CTNND2: variants seen among roughly 807,000 people sequenced by gnomAD.
The protein encoded by CTNND2 is catenin delta 2.
Under a neutral mutation model 144.4 loss-of-function variants are expected in CTNND2, and 22 were observed. The ratio of observed to expected loss-of-function variants is 0.15; its 90% CI spans 0.11 to 0.22. The LOEUF is 0.22. Among genes scored for constraint, CTNND2 ranks in the 10% least tolerant of loss-of-function variants. CTNND2 has a pLI of 1.00. For synonymous variants in CTNND2, 751 were observed against 695.6 expected, an observed-to-expected ratio of 1.08 and a Z score of -1.25; for missense variants, 1,353 against 1,618.8, an observed-to-expected ratio of 0.84 and a Z score of 2.82.
intron 2 of CTNND2, among the ~76,000 whole-genome samples, chr5:11,594,126 C>G (rs976343642): frequency 6.6e-6 from 1 of 152,190 alleles, no homozygotes; most frequent in Non-Finnish European, 1.5e-5. Context: ...ATAATGCTGT[C>G]AGTCCCAACT....
chr5:11,346,483 A>T lies in CTNND2; in HGVS notation c.1517T>A (p.Leu506Gln), dbSNP rs1208655096. The T allele has an allele frequency of 1.9e-6, 3 of 1,603,786 alleles. No individual in the cohort carries two copies. Among genetic ancestry groups the T allele is most frequent in the Non-Finnish European group, 2.6e-6 (3 of 1,175,312 alleles). The change falls in exon 9 of 22, where the codon CTG becomes CAG. Residue 506 changes from leucine to glutamine, a missense_variant. Physicochemically the swap from Leu to Gln is moderately radical, Grantham distance 113. Coordinates refer to ENST00000304623, the MANE Select transcript of CTNND2 (RefSeq NM_001332.4). ...AGACTCAACAGAGGGACAATACTGC[A>T]GCTGTCGGTAGGGGTCCGCGTAATT... Reference protein sequence around the residue: ...ASNYADPYRQLQYCPSVESPY... With the variant: ...ASNYADPYRQQQYCPSVESPY...
At chr5:11,860,473 C>T (rs970150031) in intron 1 of CTNND2, among the ~76,000 whole-genome samples, 1 of 152,138 alleles carries the variant, frequency 6.6e-6, no homozygotes, top group Non-Finnish European at 1.5e-5. Context: ...GTAAATTTCA[C>T]CGTTTTAGTA....
intron 1 of CTNND2, among the ~76,000 whole-genome samples, chr5:11,901,664 T>C (rs1737897888): frequency 6.6e-6 from 1 of 152,236 alleles, no homozygotes; most frequent in Non-Finnish European, 1.5e-5. Context: ...ATGACAATTT[T>C]ATTAGGGCAA....
rs12514273 is a variant in CTNND2 at position 11,597,603 on chromosome 5, A to T, written c.175-32547T>A. ...ATATTCTTTTTTTTTTTTGAAACAG[A>T]GTGTCAGTCACCCAGGCTTGTGTGC... On this transcript the variant is annotated intron_variant, in intron 2 of 21. Transcript: ENST00000304623. Among the ~76,000 whole-genome samples the T allele has an allele frequency of 2.0e-5, 3 of 151,604 alleles. No homozygotes were observed. In the East Asian group the frequency reaches 5.8e-4, roughly 29 times the overall value.
chr5:11,471,113 G>C (rs991327084), intron 3 of CTNND2, among the ~76,000 whole-genome samples: 1 of 150,676 alleles, frequency 6.6e-6, no homozygotes, highest in African/African-American at 2.4e-5. Flanking sequence ...GAGTAGCGGG[G>C]ACTACAGGCG....
intron 3 of CTNND2, among the ~76,000 whole-genome samples, chr5:11,535,621 A>AT (rs1461041581): frequency 6.6e-6 from 1 of 152,228 alleles, no homozygotes; most frequent in Non-Finnish European, 1.5e-5. Context: ...CTCCATCTGC[A>AT]ATCACACAGA....
chr5:11,382,944 CA>C (rs901828738), intron 7 of CTNND2, among the ~76,000 whole-genome samples: 1 of 152,096 alleles, frequency 6.6e-6, no homozygotes, highest in Non-Finnish European at 1.5e-5. Context: ...AAGCGCAATA[CA>C]ATCTATTTTT....
intron 10 of CTNND2, among the ~76,000 whole-genome samples, chr5:11,209,031 G>C (rs1006833585): frequency 5.9e-5 from 9 of 152,044 alleles, no homozygotes; most frequent in Admixed American, 2.0e-4. Context: ...TAAAATTAAA[G>C]TACTTTACTG....
intron 1 of CTNND2, among the ~76,000 whole-genome samples, chr5:11,847,684 CCTG>C (rs1377736297): frequency 1.3e-5 from 2 of 151,964 alleles, no homozygotes; most frequent in Non-Finnish European, 1.5e-5. Context: ...CGATAATTAC[CCTG>C]CTTTGTTCAT....
At chr5:11,086,783 T>G (rs1336103636) in intron 15 of CTNND2, among the ~76,000 whole-genome samples, 1 of 152,336 alleles carries the variant, frequency 6.6e-6, no homozygotes, top group East Asian at 1.9e-4. Context: ...ATACAACTGA[T>G]GGTCATAATT....
intron 9 of CTNND2, among the ~76,000 whole-genome samples, chr5:11,328,429 G>C (rs1752755302): frequency 6.6e-6 from 1 of 151,994 alleles, no homozygotes; most frequent in African/African-American, 2.4e-5. Flanking sequence ...GAGTAGCTGG[G>C]ACTACAGGTG....
intron 9 of CTNND2, among the ~76,000 whole-genome samples, chr5:11,314,004 C>A (rs2150057098): frequency 1.3e-5 from 2 of 152,274 alleles, no homozygotes; most frequent in South Asian, 4.1e-4. Context: ...AAGATCCAAT[C>A]ATCTCCCACC....
At chr5:11,851,203 TC>T (rs1794994603) in intron 1 of CTNND2, among the ~76,000 whole-genome samples, 1 of 152,126 alleles carries the variant, frequency 6.6e-6, no homozygotes, top group Non-Finnish European at 1.5e-5. Context: ...GATTTTCCAG[TC>T]CCCATAGCTA....
intron 2 of CTNND2, among the ~76,000 whole-genome samples, chr5:11,648,633 C>T (rs1782483502): frequency 6.6e-6 from 1 of 152,066 alleles, no homozygotes; most frequent in South Asian, 2.1e-4. Flanking sequence ...AGTAAGTTAT[C>T]TTAGCACTAT....
At chr5:11,524,814 C>G (rs1053548109) in intron 3 of CTNND2, among the ~76,000 whole-genome samples, 2 of 152,054 alleles carry the variant, frequency 1.3e-5, no homozygotes, top group African/African-American at 4.8e-5. Context: ...ATCATCACTT[C>G]GTTTTGCAAA....
chr5:11,039,870 T>A (rs1291381756), intron 16 of CTNND2, among the ~76,000 whole-genome samples: 1 of 152,108 alleles, frequency 6.6e-6, no homozygotes, highest in Non-Finnish European at 1.5e-5. Context: ...GAGACCAGCT[T>A]GGCCAACATG....
At chr5:11,732,301 A>G (rs780782676) in intron 1 of CTNND2, 29 bp from the exon 2 acceptor site, 1 of 1,603,006 alleles carries the variant, frequency 6.2e-7, no homozygotes, top group African/African-American at 1.3e-5. Flanking sequence ...TGATCAATAC[A>G]ATCAGATGTT....
At chr5:11,719,982 A>G (rs542064607) in intron 2 of CTNND2, among the ~76,000 whole-genome samples, 1 of 152,276 alleles carries the variant, frequency 6.6e-6, no homozygotes, top group East Asian at 1.9e-4. Flanking sequence ...CAATGGACGA[A>G]GCCAGTGCAA....
intron 2 of CTNND2, among the ~76,000 whole-genome samples, chr5:11,676,477 A>G (rs545493677): frequency 6.6e-6 from 1 of 152,054 alleles, no homozygotes; most frequent in Non-Finnish European, 1.5e-5. Context: ...ATAATGAGGA[A>G]GAGCTCGCAA....
Sources: allele counts gnomAD v4.1 joint callset (sites outside exome capture counted in the v4.1 genomes callset), GRCh38; gene constraint gnomAD v4.1.1; transcripts MANE v1.5; gene names NCBI Gene and HGNC (gene_info 2026-07-23, HGNC 2026-07-21).